The following CYP27A1 variants were observed in gnomAD, a reference collection of about 807,000 sequenced individuals.
CYP27A1 encodes sterol 26-hydroxylase, mitochondrial.
Under a neutral mutation model 58.2 loss-of-function variants are expected in CYP27A1, and 46 were observed. The ratio of observed to expected loss-of-function variants is 0.79; its 90% CI spans 0.62 to 1.01. CYP27A1 has a LOEUF of 1.01. CYP27A1 is among the 50% of genes least tolerant of loss of function. CYP27A1 has a pLI of 0.00. For synonymous variants in CYP27A1, 274 were observed against 285.1 expected (o/e 0.96, Z 0.39); for missense variants, 704 against 687.0 (o/e 1.02, Z -0.28).
At chr2:218,783,257 C>CAAAAAAAAAAA (rs371442397) in intron 1 of CYP27A1, among the ~76,000 whole-genome samples, 1 of 79,522 alleles carries the variant, frequency 1.3e-5, no homozygotes, top group Non-Finnish European at 2.6e-5. Context: ...AACTCTGTCT[C>CAAAAAAAAAAA]AAAAAAAAAA....
chr2:218,799,043 C>T (rs781751755), intron 1 of CYP27A1, among the ~76,000 whole-genome samples: 1 of 152,172 alleles, frequency 6.6e-6, no homozygotes, highest in Non-Finnish European at 1.5e-5. Flanking sequence ...GCCTCCAGGC[C>T]ACCTTCAGAT....
Position 218,815,082 on chromosome 2 carries a change from A to G in CYP27A1, c.*52A>G, listed in dbSNP as rs1943775873. ...GTCCTAGAGGCTCCAGCTCTGGCAC[A>G]GTGGTTCCTGGCTGCTGCCATGTCT... On this transcript the variant is annotated 3_prime_UTR_variant, in exon 9 of 9. Coordinates refer to ENST00000258415, the MANE Select transcript of CYP27A1 (RefSeq NM_000784.4). 1 of 1,612,230 alleles carries G rather than the reference A, an allele frequency of 6.2e-7. No individual in the cohort carries two copies. Among genetic ancestry groups the G allele is most frequent in the Non-Finnish European group, 8.5e-7 (1 of 1,178,806 alleles).
At chr2:218,809,800 C>A (rs751570330) in intron 2 of CYP27A1, 33 bp downstream of exon 2, 2 of 1,596,242 alleles carry the variant, frequency 1.3e-6, no homozygotes, top group Non-Finnish European at 1.7e-6. Flanking sequence ...TGGAACAGGG[C>A]CCCAGAGGGC....
At chr2:218,807,688 G>C (rs1943665427) in intron 1 of CYP27A1, among the ~76,000 whole-genome samples, 1 of 152,046 alleles carries the variant, frequency 6.6e-6, no homozygotes, top group East Asian at 1.9e-4. Context: ...TACAGTCATG[G>C]CTCAATGCAG....
At chr2:218,784,955 T>C (rs1943427976) in intron 1 of CYP27A1, among the ~76,000 whole-genome samples, 1 of 152,200 alleles carries the variant, frequency 6.6e-6, no homozygotes, top group South Asian at 2.1e-4. Flanking sequence ...TTCCATGGAC[T>C]GGGGTGGTGG....
chr2:218,813,636 G>T (rs1943748223), intron 5 of CYP27A1, among the ~76,000 whole-genome samples: 1 of 151,848 alleles, frequency 6.6e-6, no homozygotes, highest in Non-Finnish European at 1.5e-5. Flanking sequence ...TCACCATGTT[G>T]GTCAGGCTAG....
intron 1 of CYP27A1, among the ~76,000 whole-genome samples, chr2:218,807,061 G>A (rs1273117166): frequency 2.7e-5 from 4 of 145,592 alleles, no homozygotes; most frequent in Admixed American, 2.2e-4. Flanking sequence ...CCGGGTTCAA[G>A]CGATTCTCCT....
intron 1 of CYP27A1, among the ~76,000 whole-genome samples, chr2:218,802,723 C>CT (rs1188947322): frequency 1.3e-5 from 2 of 152,132 alleles, no homozygotes; most frequent in Admixed American, 1.3e-4. Flanking sequence ...CTGTTATTTT[C>CT]TTTTTTTCTC....
Position 218,809,653 on chromosome 2 carries a change from C to A in CYP27A1, c.332C>A (p.Ala111Asp). 1.9e-6 allele frequency: 3 copies of A among 1,614,132 alleles called. No individual in the cohort carries two copies. The highest frequency in any genetic ancestry group is 3.3e-5 in the Admixed American group (2 of 60,020). The change falls in exon 2 of 9, where the codon GCC (alanine) becomes GAC (aspartate). Residue 111 changes from alanine (A) to aspartate (D), a missense_variant. Coordinates refer to ENST00000258415, the MANE Select transcript of CYP27A1 (RefSeq NM_000784.4). ...CAGATGCACGTGAACCTGGCCAGTG[C>A]CCCGCTCTTGGAGCAAGTGATGCGG... Reference protein sequence around the residue: ...GPQMHVNLASAPLLEQVMRQE... With the variant: ...GPQMHVNLASDPLLEQVMRQE...
chr2:218,798,373 G>A (rs1348282751), intron 1 of CYP27A1, among the ~76,000 whole-genome samples: 2 of 152,154 alleles, frequency 1.3e-5, no homozygotes, highest in African/African-American at 4.8e-5. Flanking sequence ...TCTATTTTCA[G>A]TTGTTTCAAT....
At chr2:218,784,314 T>C (rs975011359) in intron 1 of CYP27A1, among the ~76,000 whole-genome samples, 2 of 152,238 alleles carry the variant, frequency 1.3e-5, no homozygotes, top group Non-Finnish European at 2.9e-5. Flanking sequence ...GGGAATGTGA[T>C]TATGTGATTA....
rs188850202 is a variant in CYP27A1 at position 218,812,337 on chromosome 2, C to T, written c.562C>T (p.Arg188Ter). Residue 188 changes from arginine (R) to a stop codon, truncating the protein, a stop_gained, in exon 3 of 9, where the codon CGA becomes TGA. Coordinates refer to ENST00000258415, the MANE Select transcript of CYP27A1 (RefSeq NM_000784.4). LOFTEE classifies it high-confidence loss of function. ...FNEVIDDFMT[R>*]LDQLRAESAS... ...TGAGGTGATTGATGACTTTATGACT[C>T]GACTGGACCAGCTGCGGGCAGAGAG... The T allele has an allele frequency of 1.6e-5, 26 of 1,614,186 alleles. No individual in the cohort carries two copies. The Admixed American group carries it at 2.5e-4, about 16-fold the overall frequency.
In CYP27A1 at chr2:218,809,512, A is replaced by G. The variant is rs994701919; in HGVS notation, c.256-65A>G. ...TAGCCATCAGACCCTTCCTCACCTCATCTCCTGTCCTGGGAGCACCTGCCC... is the reference window on the plus strand; with the variant it reads ...TAGCCATCAGACCCTTCCTCACCTCGTCTCCTGTCCTGGGAGCACCTGCCC... On this transcript the variant is annotated intron_variant, in intron 1 of 8. Transcript: ENST00000258415. 41 of 1,344,482 alleles carry G rather than the reference A, an allele frequency of 3.0e-5. No homozygotes were observed. In the African/African-American group the frequency reaches 5.6e-4, roughly 18 times the overall value. The allele number at this position is 1,344,482 out of a possible 1,614,324, so 83.3% of individuals were successfully genotyped here.
At chr2:218,789,628 T>C (rs942834689) in intron 1 of CYP27A1, among the ~76,000 whole-genome samples, 1 of 152,262 alleles carries the variant, frequency 6.6e-6, no homozygotes, top group African/African-American at 2.4e-5. Context: ...ATTTACGTTA[T>C]AGTTTGTAAT....
At chr2:218,796,175 C>G (rs1227566857) in intron 1 of CYP27A1, among the ~76,000 whole-genome samples, 1 of 152,198 alleles carries the variant, frequency 6.6e-6, no homozygotes, top group African/African-American at 2.4e-5. Context: ...AGCTTGACTC[C>G]TTAAAGGGAA....
At chr2:218,805,585 T>C (rs1355792921) in intron 1 of CYP27A1, among the ~76,000 whole-genome samples, 13 of 115,134 alleles carry the variant, frequency 1.1e-4, no homozygotes, top group Non-Finnish European at 2.3e-4. Context: ...TCTTTTATGC[T>C]GTGCTTACTG....
Position 218,814,588 on chromosome 2 carries a change from C to A in CYP27A1, c.1307C>A (p.Thr436Asn). The change falls in exon 8 of 9, where the codon ACT becomes AAT. Residue 436 changes from threonine (T) to asparagine (N), a missense_variant. By Grantham distance (65) the Thr-to-Asn change is moderately conservative. Coordinates refer to ENST00000258415, the MANE Select transcript of CYP27A1 (RefSeq NM_000784.4). ...FCHYVVSRDP[T>N]AFSEPESFQP... is the part of the protein sequence containing the mutation. ...CACTATGTGGTGTCCCGGGACCCCACTGCCTTCTCTGAGCCTGAAAGCTTC... is the reference window on the plus strand; with the variant it reads ...CACTATGTGGTGTCCCGGGACCCCAATGCCTTCTCTGAGCCTGAAAGCTTC... The A allele has an allele frequency of 6.2e-7, 1 of 1,614,256 alleles. No homozygotes were observed. The highest frequency in any genetic ancestry group is 8.5e-7 in the Non-Finnish European group (1 of 1,180,046).
At chr2:218,810,228 G>A (rs1276976570) in intron 2 of CYP27A1, among the ~76,000 whole-genome samples, 2 of 151,740 alleles carry the variant, frequency 1.3e-5, no homozygotes, top group East Asian at 1.9e-4. Flanking sequence ...GCAGTGAGCC[G>A]AGATCATGCC....
intron 1 of CYP27A1, among the ~76,000 whole-genome samples, chr2:218,801,059 T>G (rs1277097744): frequency 6.6e-6 from 1 of 152,242 alleles, no homozygotes; most frequent in Non-Finnish European, 1.5e-5. Flanking sequence ...TTTGTGTACA[T>G]TCTCAATTAT....
Sources: gnomAD v4.1 joint callset for allele counts (sites outside exome capture counted in the v4.1 genomes callset) on GRCh38, gnomAD v4.1.1 for gene constraint, MANE v1.5 for transcripts, NCBI Gene and HGNC (gene_info 2026-07-23, HGNC 2026-07-21) for gene names.